ARHGAP15: variants seen among roughly 807,000 people sequenced by gnomAD.
ARHGAP15 encodes rho GTPase-activating protein 15.
ARHGAP15 carries 51 observed loss-of-function variants against 63.7 expected under a neutral mutation model. The ratio of observed to expected loss-of-function variants is 0.80; its 90% CI spans 0.64 to 1.01. The LOEUF is 1.01. Ranked by LOEUF, ARHGAP15 falls within the 50% of genes least tolerant of loss-of-function variation. ARHGAP15 has a pLI of 0.00. For synonymous variants in ARHGAP15, 191 were observed against 193.8 expected (o/e 0.99, Z 0.12); for missense variants, 560 against 564.6 (o/e 0.99, Z 0.08).
At chr2:143,749,968 A>G (rs1211129291) in intron 13 of ARHGAP15, among the ~76,000 whole-genome samples, 1 of 152,154 alleles carries the variant, frequency 6.6e-6, no homozygotes, top group Non-Finnish European at 1.5e-5. Context: ...TCATCTGTGA[A>G]GCTTTTTAGC....
chr2:143,423,018 G>A (rs1295564411), intron 6 of ARHGAP15, among the ~76,000 whole-genome samples: 4 of 152,126 alleles, frequency 2.6e-5, no homozygotes, highest in Admixed American at 2.6e-4. Context: ...AGCATCTCAA[G>A]GTGGAGCATC....
chr2:143,373,958 CAA>C (rs1409567812), intron 6 of ARHGAP15, among the ~76,000 whole-genome samples: 3 of 152,140 alleles, frequency 2.0e-5, no homozygotes, highest in Non-Finnish European at 4.4e-5. Context: ...AGCAAACCTG[CAA>C]AACCATTTTC....
intron 1 of ARHGAP15, among the ~76,000 whole-genome samples, chr2:143,134,792 G>A (rs1689068625): frequency 1.1e-5 from 1 of 89,682 alleles, no homozygotes; most frequent in African/African-American, 3.7e-5. Context: ...CTGCCACCAA[G>A]CCCAGCTAAT....
At chr2:143,323,825 G>A (rs1322270530) in intron 6 of ARHGAP15, among the ~76,000 whole-genome samples, 15 of 145,656 alleles carry the variant, frequency 1.0e-4, no homozygotes, top group East Asian at 6.0e-4. Context: ...CCCGGGAAGC[G>A]GAGCTTGCAG....
At chr2:143,428,710 G>A (rs1689240043) in intron 6 of ARHGAP15, among the ~76,000 whole-genome samples, 1 of 152,046 alleles carries the variant, frequency 6.6e-6, no homozygotes, top group Non-Finnish European at 1.5e-5. Context: ...CTTGAAGGAA[G>A]GGAGATTCTA....
chr2:143,444,435 A>C (rs561302983), intron 8 of ARHGAP15, among the ~76,000 whole-genome samples: 4 of 152,340 alleles, frequency 2.6e-5, no homozygotes, highest in African/African-American at 9.6e-5. Flanking sequence ...GATTTAAAGA[A>C]TCTTTGCTAA....
At chr2:143,423,045 G>GA (rs1364689074) in intron 6 of ARHGAP15, among the ~76,000 whole-genome samples, 2 of 152,084 alleles carry the variant, frequency 1.3e-5, no homozygotes, top group African/African-American at 4.8e-5. Flanking sequence ...TGAAAGCAGA[G>GA]AAGCATCTGT....
At chr2:143,434,384 C>T (rs576974394) in intron 6 of ARHGAP15, among the ~76,000 whole-genome samples, 1 of 152,084 alleles carries the variant, frequency 6.6e-6, no homozygotes, top group South Asian at 2.1e-4. Context: ...AATATATATG[C>T]ACATATGTAA....
chr2:143,263,233 C>T (rs1680818486), intron 6 of ARHGAP15, among the ~76,000 whole-genome samples: 1 of 152,124 alleles, frequency 6.6e-6, no homozygotes, highest in Admixed American at 6.6e-5. Flanking sequence ...TCCCTCATTT[C>T]CTTGATTTCA....
chr2:143,435,506 CTG>C lies in ARHGAP15; in HGVS notation c.475-91_475-90del. ...CAAGAAAATATTTCATTTTATTAAA[CTG>C]TGTTTTTTAAAAAAGGATTTTTACA... On this transcript the variant is annotated intron_variant, in intron 6 of 13. Coordinates refer to ENST00000295095, the MANE Select transcript of ARHGAP15 (RefSeq NM_018460.4). The C allele has an allele frequency of 4.4e-6, 6 of 1,356,390 alleles. No individual in the cohort carries two copies. In the South Asian group the frequency reaches 9.0e-5, roughly 20 times the overall value. The allele number at this position is 1,356,390 out of a possible 1,614,324, so 84.0% of individuals were successfully genotyped here. A position where few individuals can be genotyped will look rare whatever the true frequency, so the allele number is the denominator to read the frequency against.
intron 2 of ARHGAP15, among the ~76,000 whole-genome samples, chr2:143,192,728 C>T (rs574803422): frequency 6.6e-6 from 1 of 152,332 alleles, no homozygotes; most frequent in East Asian, 1.9e-4. Flanking sequence ...CTAGCTTGTA[C>T]CCTTGCCCTC....
At chr2:143,655,044 C>T (rs778323678) in intron 12 of ARHGAP15, among the ~76,000 whole-genome samples, 12 of 152,002 alleles carry the variant, frequency 7.9e-5, no homozygotes, top group Non-Finnish European at 1.5e-4. Context: ...CCAGCCTGGG[C>T]GATATAGCAA....
intron 6 of ARHGAP15, among the ~76,000 whole-genome samples, chr2:143,415,911 G>T (rs1688655438): frequency 6.6e-6 from 1 of 152,082 alleles, no homozygotes; most frequent in Admixed American, 6.6e-5. Context: ...ACTCATAAGT[G>T]GGAGCTAAGA....
intron 2 of ARHGAP15, among the ~76,000 whole-genome samples, chr2:143,174,403 C>A (rs192496196): frequency 5.3e-5 from 8 of 152,144 alleles, no homozygotes; most frequent in Admixed American, 5.2e-4. Context: ...TCTCTCCCAT[C>A]CATAATTGGC....
chr2:143,273,079 T>C (rs1222772691), intron 6 of ARHGAP15, among the ~76,000 whole-genome samples: 1 of 152,148 alleles, frequency 6.6e-6, no homozygotes, highest in South Asian at 2.1e-4. Context: ...AATAAATTGT[T>C]TTAAGATTAG....
chr2:143,470,114 G>A (rs1252557652), intron 8 of ARHGAP15, among the ~76,000 whole-genome samples: 2 of 151,962 alleles, frequency 1.3e-5, no homozygotes, highest in Admixed American at 1.3e-4. Flanking sequence ...AGATGACTTA[G>A]AATGATTTCA....
chr2:143,562,409 AT>A (rs1416612605), intron 11 of ARHGAP15, among the ~76,000 whole-genome samples: 1 of 152,222 alleles, frequency 6.6e-6, no homozygotes, highest in African/African-American at 2.4e-5. Flanking sequence ...TCATTTTTCT[AT>A]TAAATAAGTT....
At chr2:143,171,412 C>T (rs773953656) in intron 2 of ARHGAP15, among the ~76,000 whole-genome samples, 11 of 152,146 alleles carry the variant, frequency 7.2e-5, no homozygotes, top group East Asian at 1.9e-4. Flanking sequence ...GGAAACAACA[C>T]GGCAGGAAGA....
intron 6 of ARHGAP15, chr2:143,435,164 C>T (rs746301795): frequency 1.2e-5 from 8 of 670,182 alleles, no homozygotes; most frequent in Non-Finnish European, 1.3e-5. Context: ...TGTTTTAGAG[C>T]TCTCCATAAA....
Sources: gnomAD v4.1 joint callset for allele counts (sites outside exome capture counted in the v4.1 genomes callset) on GRCh38, gnomAD v4.1.1 for gene constraint, MANE v1.5 for transcripts, NCBI Gene and HGNC (gene_info 2026-07-23, HGNC 2026-07-21) for gene names.